The following DMTN variants were observed in gnomAD, a reference collection of about 807,000 sequenced individuals.
DMTN encodes the protein dematin actin binding protein, also known as dematin.
A neutral mutation model predicts 59.4 loss-of-function variants in DMTN; 27 were observed. That is an observed-to-expected ratio of 0.45 (90% CI 0.33 to 0.63). The LOEUF is 0.63. Ranked by LOEUF, DMTN falls within the 20% of genes least tolerant of loss-of-function variation. DMTN has a pLI of 0.02. For synonymous variants in DMTN, 221 were observed against 203.7 expected (o/e 1.08, Z -0.72); for missense variants, 451 against 528.9 (o/e 0.85, Z 1.45).
rs750349771 is a variant in DMTN at position 22,069,946 on chromosome 8, G to C, written c.451+9G>C. 5 of 1,614,020 alleles carry C rather than the reference G, an allele frequency of 3.1e-6. No individual in the cohort carries two copies. Among genetic ancestry groups the C allele is most frequent in the Non-Finnish European group, 4.2e-6 (5 of 1,179,948 alleles). On this transcript the variant is annotated intron_variant, in intron 7 of 15. Coordinates refer to ENST00000358242, the MANE Select transcript of DMTN (RefSeq NM_001387751.1). The stretch of plus-strand genomic sequence containing the variant: ...CATCTATAAGCAGAGAGGTGAGGGC[G>C]CCCCTGGCTCACCAGAGCCTGCTTC...
At chr8:22,069,758 T>A in intron 6 of DMTN, 123 bp from the exon 7 acceptor site, 1 of 1,185,316 alleles carries the variant, frequency 8.4e-7, no homozygotes. Context: ...GCCAGCCCTG[T>A]CTTGGCTCTT....
rs761340975 is a variant in DMTN at position 22,067,100 on chromosome 8, C to T, written c.34C>T (p.Pro12Ser). 5.0e-6 allele frequency: 8 copies of T among 1,606,802 alleles called. No individual in the cohort carries two copies. The highest frequency in any genetic ancestry group is 5.9e-6 in the Non-Finnish European group (7 of 1,177,164). Residue 12 changes from proline (P) to serine (S), a missense_variant, in exon 3 of 16, where the codon CCC (proline) becomes TCC (serine). Transcript: ENST00000358242. The stretch of plus-strand genomic sequence containing the variant: ...CTCTCCCCAGCAACCACTTACCTCC[C>T]CCGGGAGCGTGAGCCCCTCCCGAGA... ...ERLQKQPLTS[P>S]GSVSPSRDSS...
At chr8:22,068,204 G>A (rs992840971) in intron 4 of DMTN, among the ~76,000 whole-genome samples, 3 of 152,198 alleles carry the variant, frequency 2.0e-5, no homozygotes, top group African/African-American at 4.8e-5. Flanking sequence ...GATAAACCCC[G>A]ACCTCATCCT....
chr8:22,074,422 C>T (rs956226991), intron 10 of DMTN, among the ~76,000 whole-genome samples: 5 of 152,186 alleles, frequency 3.3e-5, no homozygotes, highest in South Asian at 2.1e-4. Flanking sequence ...TAAAGGTGTG[C>T]GTCACCATGC....
intron 10 of DMTN, 72 bp from the exon 11 acceptor site, chr8:22,080,108 G>T: frequency 6.4e-7 from 1 of 1,573,336 alleles, no homozygotes; most frequent in South Asian, 1.1e-5. Context: ...TGGAAGGCCA[G>T]TGAGGTTGCT....
upstream of DMTN, among the ~76,000 whole-genome samples, chr8:22,049,578 C>A (rs200817109): frequency 4.8e-5 from 7 of 146,060 alleles, no homozygotes; most frequent in East Asian, 2.1e-4. Flanking sequence ...AACCCCCCCC[C>A]CCCGCCACCC....
Position 22,072,349 on chromosome 8 carries a change from G to T in DMTN, c.628G>T (p.Ala210Ser), listed in dbSNP as rs1315602864. Residue 210 changes from alanine to serine, a missense_variant, in exon 9 of 16, where the codon GCG becomes TCG. By Grantham distance (99) the Ala-to-Ser change is moderately conservative. Coordinates refer to ENST00000358242, the MANE Select transcript of DMTN (RefSeq NM_001387751.1). ...AGAGACAGAATGGAGGAAGCGGAAG[G>T]CGTCTCGGAGGGGAGCAGAGGAAGA... ...VVETEWRKRK[A>S]SRRGAEEEEE... The T allele has an allele frequency of 6.2e-7, 1 of 1,603,858 alleles. No individual in the cohort carries two copies. Among genetic ancestry groups the T allele is most frequent in the Non-Finnish European group, 8.5e-7 (1 of 1,174,762 alleles).
rs7005304 is a variant in DMTN, at chr8:22,057,154, C to A, written c.-172+18C>A. ...GGGAAGAGGTAGGTGGCAGGGTCTC[C>A]GCCTCTCCTCCCCTCTGTGGGCACT... is the stretch of plus-strand genomic sequence containing the variant. On this transcript the variant is annotated intron_variant, in intron 1 of 15. Transcript: ENST00000358242. The A allele has an allele frequency of 0.12, 17,825 of 152,248 alleles. 2,438 individuals are homozygous for A. Among genetic ancestry groups the A allele is most frequent in the African/African-American group, 0.34 (13,940 of 41,438 alleles). 9.4% of individuals were successfully genotyped at this position (152,248 alleles called of 1,614,324 possible).
chr8:22,069,616 C>T (rs1382778733), intron 6 of DMTN, 98 bp downstream of exon 6: 2 of 1,126,788 alleles, frequency 1.8e-6, no homozygotes. Context: ...GGGGTATATG[C>T]TCGCCTCAGG....
chr8:22,064,733 C>G (rs1488997779), intron 1 of DMTN, among the ~76,000 whole-genome samples: 1 of 152,204 alleles, frequency 6.6e-6, no homozygotes, highest in African/African-American at 2.4e-5. Flanking sequence ...GCTGGGATTA[C>G]AGGTGTGAGC....
At chr8:22,081,092 T>TGGGGGGGGGGGC in intron 14 of DMTN, 21 bp from the exon 15 acceptor site, 6 of 1,547,312 alleles carry the variant, frequency 3.9e-6, no homozygotes, top group South Asian at 1.1e-5. Context: ...AGCCTAAGAT[T>TGGGGGGGGGGGC]GCCCCTCCCC....
At chr8:22,072,129 A>G (rs922542754) in intron 8 of DMTN, among the ~76,000 whole-genome samples, 197 bp from the exon 9 acceptor site, 25 of 151,938 alleles carry the variant, frequency 1.6e-4, no homozygotes, top group Non-Finnish European at 2.5e-4. Flanking sequence ...GGCTCAAGCG[A>G]TCCTCCCACC....
chr8:22,059,928 G>A (rs755443770), intron 1 of DMTN, among the ~76,000 whole-genome samples: 16 of 152,188 alleles, frequency 1.1e-4, no homozygotes, highest in Non-Finnish European at 1.9e-4. Context: ...AGGGCCCAGT[G>A]GGCGGGTCTT....
intron 5 of DMTN, 135 bp downstream of exon 5, chr8:22,069,195 C>A (rs941821063): frequency 9.1e-7 from 1 of 1,096,968 alleles, no homozygotes; most frequent in Non-Finnish European, 1.3e-6. Flanking sequence ...CTGTCACTGG[C>A]CAGCTCTGTG....
intron 10 of DMTN, among the ~76,000 whole-genome samples, chr8:22,076,908 G>C (rs1820276414): frequency 6.6e-6 from 1 of 152,140 alleles, no homozygotes; most frequent in African/African-American, 2.4e-5. Flanking sequence ...CAGATGAGAA[G>C]CCGAGGTTGT....
At chr8:22,070,517 T>C (rs1814534740) in intron 8 of DMTN, 183 bp downstream of exon 8, 1 of 621,516 alleles carries the variant, frequency 1.6e-6, no homozygotes, top group Non-Finnish European at 2.5e-6. Flanking sequence ...CCCATAGCGC[T>C]TGGTGTAAGT....
Position 22,066,830 on chromosome 8 carries a change from G to T in DMTN, c.-46G>T. The T allele has an allele frequency of 7.0e-7, 1 of 1,421,954 alleles. No individual in the cohort carries two copies. The highest frequency in any genetic ancestry group is 9.2e-7 in the Non-Finnish European group (1 of 1,085,702). 88.1% of individuals were successfully genotyped at this position (1,421,954 alleles called of 1,614,324 possible). On this transcript the variant is annotated 5_prime_UTR_variant, in exon 2 of 16. Transcript: ENST00000358242. ...GCCTGACACGCTGTCCTCTCCCCTC[G>T]CGCACAGGGCTCTGCGAGTGACCCG...
Position 22,066,804 on chromosome 8 carries a change from A to G in DMTN, c.-72A>G. ...CGCGCAGCGCCCAGCAGCCGCGCCG[A>G]GCCTGACACGCTGTCCTCTCCCCTC... On this transcript the variant is annotated 5_prime_UTR_variant, in exon 2 of 16. Transcript: ENST00000358242. 2.1e-6 allele frequency: 3 copies of G among 1,407,978 alleles called. No homozygotes were observed. Among genetic ancestry groups the G allele is most frequent in the Non-Finnish European group, 2.8e-6 (3 of 1,076,612 alleles). The allele number at this position is 1,407,978 out of a possible 1,614,324, so 87.2% of individuals were successfully genotyped here. A position where few individuals can be genotyped will look rare whatever the true frequency, so the allele number is the denominator to read the frequency against.
In DMTN at chr8:22,062,016, G is replaced by A. The variant is rs147302903; in HGVS notation, c.-171-4689G>A. Among the ~76,000 whole-genome samples the A allele has an allele frequency of 5.1e-4, 78 of 152,058 alleles. 2 individuals are homozygous for A. The highest frequency in any genetic ancestry group is 1.7e-3 in the African/African-American group (69 of 41,496). On this transcript the variant is annotated intron_variant, in intron 1 of 15. Transcript: ENST00000358242. ...AAGTGATCCTCCTGCCTTGGCCCCCGAAGTGTTGGGATTACAGGCATAAGC... is the reference window on the plus strand; with the variant it reads ...AAGTGATCCTCCTGCCTTGGCCCCCAAAGTGTTGGGATTACAGGCATAAGC...
Sources: allele counts gnomAD v4.1 joint callset (sites outside exome capture counted in the v4.1 genomes callset), GRCh38; gene constraint gnomAD v4.1.1; transcripts MANE v1.5; gene names NCBI Gene and HGNC (gene_info 2026-07-23, HGNC 2026-07-21).